MOB3B: variants seen among roughly 807,000 people sequenced by gnomAD.
MOB3B encodes the protein MOB kinase activator-like 2B.
A neutral mutation model predicts 18.7 loss-of-function variants in MOB3B; 7 were observed. That is an observed-to-expected ratio of 0.37 (90% CI 0.21 to 0.70). MOB3B has a LOEUF of 0.70. Among genes scored for constraint, MOB3B ranks in the 30% least tolerant of loss-of-function variants. MOB3B has a pLI of 0.52. For missense variants in MOB3B, 253 were observed against 281.3 expected (o/e 0.90, Z 0.72); for synonymous variants, 111 against 99.9 (o/e 1.11, Z -0.66).
chr9:27,503,006 G>T (rs1038698054), intron 1 of MOB3B, among the ~76,000 whole-genome samples: 10 of 152,184 alleles, frequency 6.6e-5, no homozygotes, highest in African/African-American at 2.4e-4. Flanking sequence ...TTGGGGGAAA[G>T]AGGTAGTTTC....
chr9:27,363,872 G>A (rs1016753018), intron 2 of MOB3B, among the ~76,000 whole-genome samples: 1 of 152,180 alleles, frequency 6.6e-6, no homozygotes, highest in Non-Finnish European at 1.5e-5. Flanking sequence ...CTTCCAAGTA[G>A]CTGAGAATAC....
intron 2 of MOB3B, among the ~76,000 whole-genome samples, chr9:27,408,381 C>G (rs1822018221): frequency 6.6e-6 from 1 of 152,130 alleles, no homozygotes. Context: ...TTCAGCCTGT[C>G]TGAGTTCCCA....
intron 2 of MOB3B, among the ~76,000 whole-genome samples, chr9:27,395,203 A>C (rs1340366153): frequency 5.3e-5 from 8 of 152,220 alleles, no homozygotes; most frequent in Non-Finnish European, 1.0e-4. Context: ...AGTTTCAGTT[A>C]GGAGGAAAAA....
chr9:27,478,817 A>ACACACT (rs1819601578), intron 1 of MOB3B, among the ~76,000 whole-genome samples: 2 of 127,284 alleles, frequency 1.6e-5, no homozygotes, highest in African/African-American at 6.0e-5. Flanking sequence ...AAAGACACAC[A>ACACACT]CACACACACA....
intron 1 of MOB3B, among the ~76,000 whole-genome samples, chr9:27,460,694 G>T (rs908327753): frequency 2.0e-5 from 3 of 152,126 alleles, no homozygotes; most frequent in African/African-American, 7.2e-5. Context: ...GTGAGGTGGA[G>T]GACTCCTCCT....
In MOB3B at chr9:27,498,978, T is replaced by A. The variant is rs187509791; in HGVS notation, c.-199+30577A>T. Among the ~76,000 whole-genome samples, 40 of 152,322 alleles carry A rather than the reference T, an allele frequency of 2.6e-4. 1 individual carries two copies. Among genetic ancestry groups the A allele is most frequent in the Admixed American group, 1.4e-3 (21 of 15,302 alleles). ...AAGAGGATCTTAACACAAGATTTTT[T>A]AAGCACATTTTAAAGTGCACCAAAT... On this transcript the variant is annotated intron_variant, in intron 1 of 3. Coordinates refer to ENST00000262244, the MANE Select transcript of MOB3B (RefSeq NM_024761.5).
intron 1 of MOB3B, among the ~76,000 whole-genome samples, chr9:27,484,022 A>G (rs1819700817): frequency 6.6e-6 from 1 of 152,252 alleles, no homozygotes; most frequent in Non-Finnish European, 1.5e-5. Context: ...GTGAGGGCCC[A>G]TAACGAGCTT....
At chr9:27,393,235 G>A (rs1170238325) in intron 2 of MOB3B, among the ~76,000 whole-genome samples, 4 of 152,102 alleles carry the variant, frequency 2.6e-5, no homozygotes, top group Non-Finnish European at 4.4e-5. Context: ...TTTCTGTTAC[G>A]CCTATTTATG....
chr9:27,423,300 AAATATT>A (rs1414404157), intron 2 of MOB3B, among the ~76,000 whole-genome samples: 1 of 152,182 alleles, frequency 6.6e-6, no homozygotes, highest in Non-Finnish European at 1.5e-5. Context: ...GTCTTTTGGT[AAATATT>A]AATATTATTA....
chr9:27,404,347 C>CTTTTTTTTTTTTTTTTT (rs756275032), intron 2 of MOB3B, among the ~76,000 whole-genome samples: 6 of 75,172 alleles, frequency 8.0e-5, no homozygotes, highest in East Asian at 5.3e-4. Context: ...TTCTTTCTTT[C>CTTTTTTTTTTTTTTTTT]TTTTTTTTTT....
intron 1 of MOB3B, among the ~76,000 whole-genome samples, chr9:27,506,432 C>T (rs1260047626): frequency 2.6e-5 from 4 of 152,182 alleles, no homozygotes; most frequent in East Asian, 3.8e-4. Context: ...CTCTCATCTA[C>T]CCCCATTTTT....
chr9:27,380,483 C>A (rs929072748), intron 2 of MOB3B, among the ~76,000 whole-genome samples: 3 of 152,086 alleles, frequency 2.0e-5, no homozygotes, highest in African/African-American at 7.2e-5. Flanking sequence ...GTGATCCACC[C>A]GCCTCGGCCT....
chr9:27,477,086 A>T (rs973220700), intron 1 of MOB3B, among the ~76,000 whole-genome samples: 6 of 152,178 alleles, frequency 3.9e-5, no homozygotes, highest in African/African-American at 1.4e-4. Flanking sequence ...CCTCATAGTC[A>T]GACAGGGCAT....
chr9:27,443,262 G>C (rs1011250446), intron 2 of MOB3B, among the ~76,000 whole-genome samples: 5 of 152,128 alleles, frequency 3.3e-5, no homozygotes, highest in African/African-American at 1.2e-4. Flanking sequence ...TGAAGCTTAA[G>C]GGTATTTGAC....
intron 2 of MOB3B, among the ~76,000 whole-genome samples, chr9:27,445,627 A>G (rs115008469): frequency 2.0e-5 from 3 of 152,086 alleles, no homozygotes; most frequent in Non-Finnish European, 2.9e-5. Context: ...TGAGGGCCAT[A>G]ATAGGTAAGT....
chr9:27,451,071 G>A (rs948870351), intron 2 of MOB3B, among the ~76,000 whole-genome samples: 1 of 152,132 alleles, frequency 6.6e-6, no homozygotes, highest in Non-Finnish European at 1.5e-5. Context: ...AAACCCATGA[G>A]TTGGAGGACC....
At chr9:27,432,753 T>C (rs1587209446) in intron 2 of MOB3B, among the ~76,000 whole-genome samples, 2 of 152,332 alleles carry the variant, frequency 1.3e-5, no homozygotes, top group African/African-American at 4.8e-5. Context: ...TTCTGGGCTA[T>C]GCATTTTAAT....
intron 3 of MOB3B, among the ~76,000 whole-genome samples, chr9:27,338,331 G>A (rs1220978515): frequency 6.6e-6 from 1 of 152,136 alleles, no homozygotes; most frequent in Admixed American, 6.5e-5. Context: ...CCACGTAGGT[G>A]GGAGACAGAG....
rs979304501 is a variant in MOB3B at position 27,474,426 on chromosome 9, G to A, written c.-198-18678C>T. On this transcript the variant is annotated intron_variant, in intron 1 of 3. Coordinates refer to ENST00000262244, the MANE Select transcript of MOB3B (RefSeq NM_024761.5). ...GGGCCCAAACTGACTCCTTATACCAGAGATTACTTTTTAATTCCTCTCATC... is the reference window on the plus strand; with the variant it reads ...GGGCCCAAACTGACTCCTTATACCAAAGATTACTTTTTAATTCCTCTCATC... Among the ~76,000 whole-genome samples the A allele has an allele frequency of 2.0e-5, 3 of 152,140 alleles. No homozygotes were observed. The South Asian group carries it at 6.2e-4, about 32-fold the overall frequency.
Sources: gnomAD v4.1 joint callset for allele counts (sites outside exome capture counted in the v4.1 genomes callset) on GRCh38, gnomAD v4.1.1 for gene constraint, MANE v1.5 for transcripts, NCBI Gene and HGNC (gene_info 2026-07-23, HGNC 2026-07-21) for gene names.